The following ZCCHC7 variants were observed in gnomAD, a reference collection of about 807,000 sequenced individuals.
The protein encoded by ZCCHC7 is zinc finger CCHC-type containing 7, also known as zinc finger CCHC domain-containing protein 7.
ZCCHC7 carries 35 observed loss-of-function variants against 52.0 expected under a neutral mutation model. The ratio of observed to expected loss-of-function variants is 0.67; its 90% CI spans 0.51 to 0.89. The LOEUF (loss-of-function observed/expected upper bound fraction) is 0.89. ZCCHC7 is among the 40% of genes least tolerant of loss of function. The pLI is 0.00. For synonymous variants in ZCCHC7, 217 were observed against 221.5 expected (o/e 0.98, Z 0.18); for missense variants, 574 against 649.1 (o/e 0.88, Z 1.26).
chr9:37,313,040 G>A (rs557052940), intron 5 of ZCCHC7, among the ~76,000 whole-genome samples: 35 of 152,232 alleles, frequency 2.3e-4, no homozygotes, highest in African/African-American at 6.5e-4. Flanking sequence ...TTATATTATC[G>A]TGATAGATTG....
At chr9:37,270,709 ACCT>A (rs1226306201) in intron 2 of ZCCHC7, among the ~76,000 whole-genome samples, 3 of 150,674 alleles carry the variant, frequency 2.0e-5, no homozygotes, top group Non-Finnish European at 4.4e-5. Context: ...AAAGAAAAAG[ACCT>A]CCTAGGGAAT....
intron 6 of ZCCHC7, among the ~76,000 whole-genome samples, chr9:37,341,257 T>TTTAA (rs1820620888): frequency 1.3e-5 from 2 of 152,188 alleles, no homozygotes; most frequent in Admixed American, 1.3e-4. Context: ...ATTCAAGCTT[T>TTTAA]TTAATATATT....
chr9:37,152,645 C>T (rs1820594902), intron 2 of ZCCHC7, among the ~76,000 whole-genome samples: 1 of 152,146 alleles, frequency 6.6e-6, no homozygotes, highest in Non-Finnish European at 1.5e-5. Context: ...CATTAGACTG[C>T]ATGTATGGGT....
chr9:37,235,516 T>A (rs1161170804), intron 2 of ZCCHC7, among the ~76,000 whole-genome samples: 11 of 78,296 alleles, frequency 1.4e-4, no homozygotes, highest in African/African-American at 5.6e-4. Flanking sequence ...TCCCTTCCCC[T>A]CTCCCCTCCC....
At chr9:37,211,513 TTTTA>T (rs1824213656) in intron 2 of ZCCHC7, among the ~76,000 whole-genome samples, 1 of 152,194 alleles carries the variant, frequency 6.6e-6, no homozygotes, top group African/African-American at 2.4e-5. Context: ...AGAGATTTTT[TTTTA>T]TTTATAATGC....
chr9:37,268,718 G>A (rs944675110), intron 2 of ZCCHC7, among the ~76,000 whole-genome samples: 6 of 152,156 alleles, frequency 3.9e-5, no homozygotes, highest in Non-Finnish European at 7.4e-5. Context: ...GAGCCACCGC[G>A]CCCGGCCGCA....
chr9:37,163,225 A>G (rs369025682), intron 2 of ZCCHC7, among the ~76,000 whole-genome samples: 1 of 151,590 alleles, frequency 6.6e-6, no homozygotes, highest in Non-Finnish European at 1.5e-5. Flanking sequence ...AACAAACAAA[A>G]AAAAACAAAA....
chr9:37,162,944 T>C (rs1003370114), intron 2 of ZCCHC7, among the ~76,000 whole-genome samples: 2 of 152,158 alleles, frequency 1.3e-5, no homozygotes, highest in African/African-American at 4.8e-5. Context: ...GGCTCATGCC[T>C]GTAATGCCAG....
chr9:37,162,285 G>A (rs6476616), intron 2 of ZCCHC7, among the ~76,000 whole-genome samples: 80,829 of 151,870 alleles, frequency 0.53, 21,944 homozygotes, highest in African/African-American at 0.62. Flanking sequence ...AGTTTCATAG[G>A]TTTTAAGATA....
At chr9:37,220,312 G>T (rs969259896) in intron 2 of ZCCHC7, among the ~76,000 whole-genome samples, 1 of 151,974 alleles carries the variant, frequency 6.6e-6, no homozygotes. Context: ...AGGCCGAGGC[G>T]GGCAGATTAC....
chr9:37,279,746 G>A (rs1266359657), intron 2 of ZCCHC7, among the ~76,000 whole-genome samples: 1 of 151,630 alleles, frequency 6.6e-6, no homozygotes, highest in Non-Finnish European at 1.5e-5. Context: ...CATGAATTGT[G>A]TATATACAGA....
chr9:37,353,704 A>G (rs888876430), intron 7 of ZCCHC7, among the ~76,000 whole-genome samples: 1 of 152,214 alleles, frequency 6.6e-6, no homozygotes, highest in African/African-American at 2.4e-5. Context: ...AATGATTTAT[A>G]ATTTTTTAAT....
rs1176479233 is a variant in ZCCHC7 at position 37,319,582 on chromosome 9, C to A, written c.952-8217C>A. Among the ~76,000 whole-genome samples the A allele has an allele frequency of 2.0e-5, 3 of 152,064 alleles. No homozygotes were observed. The East Asian group carries it at 5.8e-4, about 29-fold the overall frequency. ...TGTTGGGACGACAGGCACGTGGCAC[C>A]ATGCTCGTCTGACTTTTGTTTTTTG... On this transcript the variant is annotated intron_variant, in intron 5 of 8. Transcript: ENST00000336755.
chr9:37,267,685 T>C (rs1827180572), intron 2 of ZCCHC7, among the ~76,000 whole-genome samples: 1 of 148,210 alleles, frequency 6.7e-6, no homozygotes, highest in African/African-American at 2.5e-5. Flanking sequence ...GTCTCCTGCC[T>C]CAGCCTCCCG....
intron 2 of ZCCHC7, among the ~76,000 whole-genome samples, chr9:37,188,174 A>G (rs1166619111): frequency 2.0e-5 from 3 of 152,008 alleles, no homozygotes; most frequent in Admixed American, 6.6e-5. Flanking sequence ...TTTAAGAGAC[A>G]GGGTCTCATT....
chr9:37,178,179 A>T (rs1290967946), intron 2 of ZCCHC7, among the ~76,000 whole-genome samples: 1 of 152,178 alleles, frequency 6.6e-6, no homozygotes, highest in Admixed American at 6.5e-5. Context: ...GCTGATGAGT[A>T]TATGATTTCT....
chr9:37,336,109 T>G (rs570719778), intron 6 of ZCCHC7, among the ~76,000 whole-genome samples: 1 of 152,270 alleles, frequency 6.6e-6, no homozygotes, highest in Admixed American at 6.5e-5. Context: ...CAAAATAGCA[T>G]AGCAGTTTTT....
intron 2 of ZCCHC7, among the ~76,000 whole-genome samples, chr9:37,142,899 A>G (rs1391789360): frequency 6.6e-6 from 1 of 151,870 alleles, no homozygotes; most frequent in Non-Finnish European, 1.5e-5. Flanking sequence ...TTTAAAAATA[A>G]CAAGGAATTA....
At chr9:37,336,917 C>T (rs919041504) in intron 6 of ZCCHC7, among the ~76,000 whole-genome samples, 5 of 152,082 alleles carry the variant, frequency 3.3e-5, no homozygotes, top group Admixed American at 2.6e-4. Flanking sequence ...GCCATTTGTC[C>T]ATCATTGTTT....
Sources: gnomAD v4.1 joint callset for allele counts (sites outside exome capture counted in the v4.1 genomes callset) on GRCh38, gnomAD v4.1.1 for gene constraint, MANE v1.5 for transcripts, NCBI Gene and HGNC (gene_info 2026-07-23, HGNC 2026-07-21) for gene names.